The following IQCM variants were observed in gnomAD, a reference collection of about 807,000 sequenced individuals.
IQCM encodes the protein IQ domain-containing protein M.
In IQCM, 45 loss-of-function variants were observed where a neutral mutation model predicts 57.6. The ratio of observed to expected loss-of-function variants is 0.78; its 90% CI spans 0.62 to 1.00. The LOEUF (loss-of-function observed/expected upper bound fraction) is 1.00, where lower values mean the gene tolerates loss of function less well. Ranked by LOEUF, IQCM falls within the 50% of genes least tolerant of loss-of-function variation. The pLI is 0.00. For synonymous variants in IQCM, 148 were observed against 158.9 expected (o/e 0.93, Z 0.51); for missense variants, 468 against 511.6 (o/e 0.91, Z 0.82).
intron 8 of IQCM, among the ~76,000 whole-genome samples, chr4:149,603,003 A>G (rs1439416668): frequency 1.3e-5 from 2 of 152,130 alleles, no homozygotes; most frequent in Admixed American, 6.5e-5. Context: ...TAAATCTACA[A>G]TAACTTAACT....
At chr4:149,412,131 C>T (rs112819251) in intron 13 of IQCM, among the ~76,000 whole-genome samples, 3 of 151,504 alleles carry the variant, frequency 2.0e-5, no homozygotes, top group African/African-American at 7.3e-5. Flanking sequence ...GCTCACCTTG[C>T]CACTCTGCAA....
intron 9 of IQCM, among the ~76,000 whole-genome samples, chr4:149,572,593 C>T (rs1205293245): frequency 3.2e-4 from 48 of 151,942 alleles, no homozygotes. Context: ...CATATTTCAT[C>T]TGCATTATAT....
At chr4:149,395,447 G>A (rs538190542) in intron 13 of IQCM, among the ~76,000 whole-genome samples, 1 of 152,116 alleles carries the variant, frequency 6.6e-6, no homozygotes, top group East Asian at 1.9e-4. Flanking sequence ...CAATTAGAGT[G>A]CTGCTCTTTC....
chr4:149,557,731 G>A (rs891500807), intron 10 of IQCM, among the ~76,000 whole-genome samples: 3 of 152,132 alleles, frequency 2.0e-5, no homozygotes, highest in African/African-American at 7.2e-5. Flanking sequence ...GGAGAAATAT[G>A]TTTCCTCTCA....
At chr4:149,690,462 T>C (rs562306170) in intron 5 of IQCM, among the ~76,000 whole-genome samples, 1 of 151,894 alleles carries the variant, frequency 6.6e-6, no homozygotes, top group African/African-American at 2.4e-5. Flanking sequence ...AGACTACAAA[T>C]AGGGTGCAGC....
intron 12 of IQCM, 105 bp downstream of exon 12, chr4:149,548,350 G>T (rs1748664627): frequency 2.1e-6 from 2 of 931,280 alleles, no homozygotes; most frequent in Non-Finnish European, 2.8e-6. Context: ...AAAAGTAAGG[G>T]AAGGAATGAA....
At chr4:149,416,238 C>T (rs2111195862) in intron 13 of IQCM, among the ~76,000 whole-genome samples, 1 of 152,128 alleles carries the variant, frequency 6.6e-6, no homozygotes, top group South Asian at 2.1e-4. Context: ...CTCCCTCCCC[C>T]ATGGAGCCTT....
intron 8 of IQCM, among the ~76,000 whole-genome samples, chr4:149,618,953 A>T (rs1756042631): frequency 6.6e-6 from 1 of 152,124 alleles, no homozygotes; most frequent in Non-Finnish European, 1.5e-5. Context: ...AACTAACTTC[A>T]GTTCAGCAAT....
intron 12 of IQCM, chr4:149,514,875 A>T (rs2149815901): frequency 6.6e-6 from 1 of 152,278 alleles, no homozygotes. Flanking sequence ...AAATGTGAAA[A>T]GGCTAGACTG....
At chr4:149,597,094 A>T (rs1163485427) in intron 8 of IQCM, among the ~76,000 whole-genome samples, 1 of 152,122 alleles carries the variant, frequency 6.6e-6, no homozygotes. Context: ...AAACAAAAAA[A>T]ATTATCAAAA....
intron 7 of IQCM, among the ~76,000 whole-genome samples, chr4:149,662,627 C>G (rs559291398): frequency 1.3e-5 from 2 of 152,054 alleles, no homozygotes; most frequent in East Asian, 3.9e-4. Context: ...GTTACATCCT[C>G]TTGTTGAGTT....
chr4:149,754,568 C>T (rs1416540633), intron 2 of IQCM, among the ~76,000 whole-genome samples: 1 of 152,194 alleles, frequency 6.6e-6, no homozygotes, highest in Admixed American at 6.5e-5. Flanking sequence ...GACCTGTTAA[C>T]AGCATTTTAT....
intron 12 of IQCM, among the ~76,000 whole-genome samples, chr4:149,496,429 T>C (rs555806033): frequency 5.3e-5 from 8 of 152,260 alleles, no homozygotes; most frequent in African/African-American, 9.6e-5. Context: ...TTCAGGATTA[T>C]GTGGGTGAGT....
intron 13 of IQCM, among the ~76,000 whole-genome samples, chr4:149,378,961 G>A (rs767669792): frequency 1.2e-4 from 19 of 152,174 alleles, no homozygotes; most frequent in Non-Finnish European, 2.6e-4. Flanking sequence ...TTGGTGCCCT[G>A]CATCTCTGCC....
At chr4:149,392,878 T>C (rs1357091598) in intron 13 of IQCM, among the ~76,000 whole-genome samples, 5 of 151,962 alleles carry the variant, frequency 3.3e-5, no homozygotes, top group African/African-American at 1.2e-4. Flanking sequence ...TGAACCAAAA[T>C]ATAAACAAAT....
chr4:149,777,824 G>A (rs1028793311), intron 2 of IQCM, among the ~76,000 whole-genome samples: 25 of 152,146 alleles, frequency 1.6e-4, no homozygotes, highest in African/African-American at 3.9e-4. Context: ...AAGGACTGAC[G>A]CAGTGGTGCG....
At chr4:149,602,991 A>T (rs906564956) in intron 8 of IQCM, among the ~76,000 whole-genome samples, 5 of 152,172 alleles carry the variant, frequency 3.3e-5, no homozygotes, top group Non-Finnish European at 5.9e-5. Flanking sequence ...ATTGTAAAAA[A>T]TTAAATCTAC....
At chr4:149,483,626 G>C (rs984448702) in intron 12 of IQCM, among the ~76,000 whole-genome samples, 1 of 151,958 alleles carries the variant, frequency 6.6e-6, no homozygotes, top group African/African-American at 2.4e-5. Flanking sequence ...ATTGTGGGAA[G>C]AGAAGATGCT....
chr4:149,542,996 C>A (rs1468741043), intron 12 of IQCM, among the ~76,000 whole-genome samples: 2 of 151,830 alleles, frequency 1.3e-5, no homozygotes, highest in Non-Finnish European at 2.9e-5. Flanking sequence ...TGCTCTAAAT[C>A]TAAGCCATTA....
Sources: allele counts gnomAD v4.1 joint callset (sites outside exome capture counted in the v4.1 genomes callset), GRCh38; gene constraint gnomAD v4.1.1; transcripts MANE v1.5; gene names NCBI Gene and HGNC (gene_info 2026-07-23, HGNC 2026-07-21).